Variants in ATP10A observed in about 807,000 individuals in gnomAD.
The protein encoded by ATP10A is ATPase phospholipid transporting 10A (putative), also known as phospholipid-transporting ATPase VA.
ATP10A carries 111 observed loss-of-function variants against 147.8 expected under a neutral mutation model. The observed-to-expected ratio is 0.75, with a 90% CI of 0.64 to 0.88. The LOEUF is 0.88. Ranked by LOEUF, ATP10A falls within the 40% of genes least tolerant of loss-of-function variation. ATP10A has a pLI of 0.00. For synonymous variants in ATP10A, 875 were observed against 841.6 expected (o/e 1.04, Z -0.69); for missense variants, 1,927 against 1,959.0 (o/e 0.98, Z 0.31).
In ATP10A at chr15:25,788,187, C is replaced by G. The variant is rs114800120; in HGVS notation, c.450-6964G>C. 6.3e-3 allele frequency among the ~76,000 whole-genome samples: 959 copies of G among 152,348 alleles called. 16 individuals are homozygous for G. Among genetic ancestry groups the G allele is most frequent in the East Asian group, 0.03 (153 of 5,184 alleles). On this transcript the variant is annotated intron_variant, in intron 1 of 20. Transcript: ENST00000555815. ...CCCTCCTGCAGGAAACATGTAGGAG[C>G]AGCACTAAACAGCTGGCTTTGGAAT...
At chr15:25,777,078 C>T (rs898574031) in intron 2 of ATP10A, among the ~76,000 whole-genome samples, 3 of 143,664 alleles carry the variant, frequency 2.1e-5, no homozygotes, top group Non-Finnish European at 3.0e-5. Context: ...TGTGTGCATG[C>T]GTGTGTGTGC....
chr15:25,743,704 A>G (rs1887686269), intron 2 of ATP10A, among the ~76,000 whole-genome samples: 1 of 152,244 alleles, frequency 6.6e-6, no homozygotes, highest in Non-Finnish European at 1.5e-5. Flanking sequence ...GGAAGTCGAA[A>G]GTTGGAAACA....
At chr15:25,803,140 G>T (rs921394140) in intron 1 of ATP10A, among the ~76,000 whole-genome samples, 1 of 152,130 alleles carries the variant, frequency 6.6e-6, no homozygotes. Flanking sequence ...TAGCAATCTC[G>T]GCACCTGCGA....
At chr15:25,743,028 G>A (rs1000558667) in intron 2 of ATP10A, among the ~76,000 whole-genome samples, 1 of 152,190 alleles carries the variant, frequency 6.6e-6, no homozygotes, top group Admixed American at 6.5e-5. Flanking sequence ...TCACTCAGTA[G>A]ACAGCCTTGC....
chr15:25,814,584 CTGTT>C (rs1435582872), intron 1 of ATP10A, among the ~76,000 whole-genome samples: 5 of 152,228 alleles, frequency 3.3e-5, no homozygotes, highest in Non-Finnish European at 7.3e-5. Context: ...TCATCTTCCT[CTGTT>C]TCTTCAAAAT....
chr15:25,684,086 C>T (rs1899576376), intron 16 of ATP10A: 2 of 152,674 alleles, frequency 1.3e-5, no homozygotes, highest in African/African-American at 2.4e-5. Flanking sequence ...ACGGGGACCT[C>T]TGCTGGGGGG....
chr15:25,787,622 A>AG (rs1381951469), intron 1 of ATP10A, among the ~76,000 whole-genome samples: 2 of 133,116 alleles, frequency 1.5e-5, no homozygotes, highest in African/African-American at 2.7e-5. Context: ...AAAAAAAAAA[A>AG]AAAAAAAAGA....
At chr15:25,713,235 AG>A (rs1479723164) in intron 10 of ATP10A, among the ~76,000 whole-genome samples, 1 of 152,160 alleles carries the variant, frequency 6.6e-6, no homozygotes, top group African/African-American at 2.4e-5. Flanking sequence ...CCCAAGTGCC[AG>A]AACAGAGGGC....
Position 25,863,110 on chromosome 15 carries a change from CG to C in ATP10A, c.-15del. 1 of 1,167,662 alleles carries C rather than the reference CG, an allele frequency of 8.6e-7. No homozygotes were observed. The highest frequency in any genetic ancestry group is 1.1e-6 in the Non-Finnish European group (1 of 948,268). The allele number at this position is 1,167,662 out of a possible 1,614,324, so 72.3% of individuals were successfully genotyped here. ...CTCCCGCTCCATGGCCGCGTGTCGC[CG>C]CGCCCGGCTCCTCCGCCGCTCACGC... On this transcript the variant is annotated 5_prime_UTR_variant, in exon 1 of 21. Transcript: ENST00000555815.
Position 25,721,854 on chromosome 15 carries a change from A to G in ATP10A, c.1166T>C (p.Val389Ala). The G allele has an allele frequency of 6.2e-7, 1 of 1,614,150 alleles. No homozygotes were observed. The highest frequency in any genetic ancestry group is 8.5e-7 in the Non-Finnish European group (1 of 1,180,012). The change falls in exon 7 of 21, where the codon GTG becomes GCG. Residue 389 changes from valine (V) to alanine (A), a missense_variant. By Grantham distance (64) the Val-to-Ala change is moderately conservative. Coordinates refer to ENST00000555815, the MANE Select transcript of ATP10A (RefSeq NM_024490.4). ...CTGCATGTCCTGGTTAATGAAGTAC[A>G]CTTGGCATGCTTTAACAATTTCAAT... ...VSIEIVKACQ[V>A]YFINQDMQLY...
chr15:25,772,391 T>A (rs545123814), intron 2 of ATP10A, among the ~76,000 whole-genome samples: 1 of 152,230 alleles, frequency 6.6e-6, no homozygotes, highest in South Asian at 2.1e-4. Context: ...CTGCCCACTT[T>A]TAGCTTTAAA....
chr15:25,847,539 G>A (rs1337104779), intron 1 of ATP10A, among the ~76,000 whole-genome samples: 4 of 149,334 alleles, frequency 2.7e-5, no homozygotes, highest in Non-Finnish European at 4.4e-5. Flanking sequence ...CGGGTCACGG[G>A]GTCTTCATGA....
chr15:25,694,906 C>T lies in ATP10A; in HGVS notation c.3001G>A (p.Val1001Ile), dbSNP rs752243628. 39 of 1,613,998 alleles carry T rather than the reference C, an allele frequency of 2.4e-5. No individual in the cohort carries two copies. Among genetic ancestry groups the T allele is most frequent in the Middle Eastern group, 1.6e-4 (1 of 6,084 alleles). The change falls in exon 14 of 21, where the codon GTC becomes ATC. Residue 1001 changes from valine (V) to isoleucine (I), a missense_variant. Val to Ile is a conservative substitution (Grantham distance 29, BLOSUM62 3). Coordinates refer to ENST00000555815, the MANE Select transcript of ATP10A (RefSeq NM_024490.4). Reference protein sequence around the residue: ...FLFLAKQCRSVLCCRSTPLQK... With the variant: ...FLFLAKQCRSILCCRSTPLQK... Reference sequence around the variant, plus strand: ...AGAGGCGTCGACCGACAGCAGAGGACGGAGCGGCACTGCTTGGCAAGGAAG... The same window carrying T: ...AGAGGCGTCGACCGACAGCAGAGGATGGAGCGGCACTGCTTGGCAAGGAAG...
chr15:25,796,560 G>A (rs564931136), intron 1 of ATP10A, among the ~76,000 whole-genome samples: 5 of 152,354 alleles, frequency 3.3e-5, no homozygotes, highest in South Asian at 2.1e-4. Context: ...ATGCACAAAC[G>A]TGGTACTCAT....
rs189786265 is a variant in ATP10A, at chr15:25,700,445, C to G, written c.2760+1471G>C. ...CCAGAAACAACTAAAATGTTCTTCA[C>G]TGATTGAATGGATATGCAAAATCTG... On this transcript the variant is annotated intron_variant, in intron 13 of 20. Coordinates refer to ENST00000555815, the MANE Select transcript of ATP10A (RefSeq NM_024490.4). 1.4e-4 allele frequency among the ~76,000 whole-genome samples: 21 copies of G among 152,356 alleles called. No individual in the cohort carries two copies. The East Asian group carries it at 3.9e-3, about 28-fold the overall frequency.
chr15:25,804,398 C>T lies in ATP10A; in HGVS notation c.450-23175G>A, dbSNP rs140499219. Among the ~76,000 whole-genome samples the T allele has an allele frequency of 8.2e-4, 117 of 143,334 alleles. 1 individual carries two copies. In the Middle Eastern group the frequency reaches 0.012, roughly 14 times the overall value. 94.0% of individuals were successfully genotyped at this position (143,334 alleles called of 152,430 possible). A position where few individuals can be genotyped will look rare whatever the true frequency, so the allele number is the denominator to read the frequency against. On this transcript the variant is annotated intron_variant, in intron 1 of 20. Transcript: ENST00000555815. ...AGCATGGTGTGTGTGAGTGCATATG[C>T]GGGTAGGGGTGTGTGTGCATCTGCG...
chr15:25,822,190 C>A (rs528907429), intron 1 of ATP10A, among the ~76,000 whole-genome samples: 2 of 152,108 alleles, frequency 1.3e-5, no homozygotes, highest in Admixed American at 1.3e-4. Context: ...TCAGTATAGA[C>A]CCAGTGATTT....
At chr15:25,862,623 T>G (rs1291871045) in intron 1 of ATP10A, 25 bp downstream of exon 1, 2 of 1,527,314 alleles carry the variant, frequency 1.3e-6, no homozygotes, top group Non-Finnish European at 1.8e-6. Flanking sequence ...CACCGCGCGC[T>G]CGCTCGCCCG....
In ATP10A at chr15:25,719,053, T is replaced by C. The variant is rs143716634; in HGVS notation, c.1364-654A>G. On this transcript the variant is annotated intron_variant, in intron 7 of 20. Transcript: ENST00000555815. ...TTAGAGGTGCCTGCGCTGTGGCTTCTTGCTAACCCATGGCTCTGAACCAGT... is the reference window on the plus strand; with the variant it reads ...TTAGAGGTGCCTGCGCTGTGGCTTCCTGCTAACCCATGGCTCTGAACCAGT... Among the ~76,000 whole-genome samples the C allele has an allele frequency of 5.9e-5, 9 of 152,344 alleles. No homozygotes were observed. In the East Asian group the frequency reaches 1.7e-3, roughly 29 times the overall value.
Sources: allele counts gnomAD v4.1 joint callset (sites outside exome capture counted in the v4.1 genomes callset), GRCh38; gene constraint gnomAD v4.1.1; transcripts MANE v1.5; gene names NCBI Gene and HGNC (gene_info 2026-07-23, HGNC 2026-07-21).